CLDN1: variants seen among roughly 807,000 people sequenced by gnomAD.
The protein encoded by CLDN1 is claudin 1.
CLDN1 carries 12 observed loss-of-function variants against 22.6 expected under a neutral mutation model. The ratio of observed to expected loss-of-function variants is 0.53; its 90% CI spans 0.34 to 0.86. The LOEUF is 0.86. Among genes scored for constraint, CLDN1 ranks in the 40% least tolerant of loss-of-function variants. The probability of loss-of-function intolerance (pLI) is 0.02; values close to 1 mark genes in which losing one functional copy is unlikely to be tolerated. For missense variants in CLDN1, 250 were observed against 269.5 expected, an observed-to-expected ratio of 0.93 and a Z score of 0.51; for synonymous variants, 99 against 103.8, an observed-to-expected ratio of 0.95 and a Z score of 0.28.
At chr3:190,321,476 A>G (rs1716919171) in intron 1 of CLDN1, among the ~76,000 whole-genome samples, 1 of 152,250 alleles carries the variant, frequency 6.6e-6, no homozygotes, top group South Asian at 2.1e-4. Context: ...GGACATTTCC[A>G]GTAGGAATGT....
At chr3:190,316,415 A>G (rs1005111909) in intron 1 of CLDN1, among the ~76,000 whole-genome samples, 1 of 152,254 alleles carries the variant, frequency 6.6e-6, no homozygotes, top group African/African-American at 2.4e-5. Flanking sequence ...CAAAAATAAT[A>G]TACACATGTA....
chr3:190,309,747 T>C (rs753437026), intron 3 of CLDN1, among the ~76,000 whole-genome samples: 4 of 152,232 alleles, frequency 2.6e-5, no homozygotes, highest in Non-Finnish European at 5.9e-5. Context: ...GAATGAAGTA[T>C]TATTCATTAA....
At chr3:190,314,675 A>G (rs1367876656) in intron 1 of CLDN1, among the ~76,000 whole-genome samples, 1 of 151,994 alleles carries the variant, frequency 6.6e-6, no homozygotes, top group Non-Finnish European at 1.5e-5. Context: ...AAGTTCTGGG[A>G]TTACAGACGT....
intron 2 of CLDN1, among the ~76,000 whole-genome samples, chr3:190,311,518 CT>C (rs962589641): frequency 1.5e-4 from 23 of 152,024 alleles, no homozygotes; most frequent in African/African-American, 4.3e-4. Context: ...CCCTACAAGT[CT>C]TCTGTCAAAA....
rs530958294 is a variant in CLDN1 at position 190,321,038 on chromosome 3, T to A, written c.223+946A>T. On this transcript the variant is annotated intron_variant, in intron 1 of 3. Coordinates refer to ENST00000295522, the MANE Select transcript of CLDN1 (RefSeq NM_021101.5). ...GAAATATGTCTCTCTATACAATCCT[T>A]TCCAGTTTTACAGGGGGTCACTGAA... Among the ~76,000 whole-genome samples, 7 of 152,274 alleles carry A rather than the reference T, an allele frequency of 4.6e-5. No individual in the cohort carries two copies. The East Asian group carries it at 1.2e-3, about 25-fold the overall frequency.
At chr3:190,314,778 T>C (rs1247665042) in intron 1 of CLDN1, among the ~76,000 whole-genome samples, 1 of 152,118 alleles carries the variant, frequency 6.6e-6, no homozygotes, top group African/African-American at 2.4e-5. Context: ...AAGGTTAAGT[T>C]TTACTTGATT....
At position 190,308,291 on chromosome 3, in the gene CLDN1, T is replaced by C; in HGVS notation, c.622A>G (p.Lys208Glu). ...TTGCCTCTGTGTCACACGTAGTCTT[T>C]CCCGCTGGAAGGTGCAGGTTTTGGA... ...PYPKPAPSSG[K>E]DYV Residue 208 changes from lysine (K) to glutamate (E), a missense_variant, in exon 4 of 4, where the codon AAA (lysine) becomes GAA (glutamate). Transcript: ENST00000295522. 1 of 1,613,854 alleles carries C rather than the reference T, an allele frequency of 6.2e-7. No individual in the cohort carries two copies. The highest frequency in any genetic ancestry group is 1.3e-5 in the African/African-American group (1 of 75,000).
At chr3:190,313,889 C>G (rs1716693910) in intron 1 of CLDN1, among the ~76,000 whole-genome samples, 1 of 152,116 alleles carries the variant, frequency 6.6e-6, no homozygotes, top group African/African-American at 2.4e-5. Flanking sequence ...AGAGTAAAAA[C>G]TTGATGCCAT....
At chr3:190,312,158 C>T (rs9830635) in intron 2 of CLDN1, among the ~76,000 whole-genome samples, 8,898 of 151,828 alleles carry the variant, frequency 0.059, 331 homozygotes, top group Middle Eastern at 0.092. Context: ...CTTGAACTCA[C>T]GACCTCAGGT....
At chr3:190,312,823 A>G (rs1441894585) in intron 2 of CLDN1, 49 bp downstream of exon 2, 1 of 1,600,056 alleles carries the variant, frequency 6.2e-7, no homozygotes, top group Non-Finnish European at 8.6e-7. Flanking sequence ...ATTTCAAATC[A>G]TACCAGGAAC....
At chr3:190,313,223 G>A (rs953032510) in intron 1 of CLDN1, 187 bp from the exon 2 acceptor site, 1 of 604,810 alleles carries the variant, frequency 1.7e-6, no homozygotes, top group Admixed American at 3.0e-5. Flanking sequence ...AAAAACAAAT[G>A]CCAGGCTGGA....
rs1020923618 is a variant in CLDN1, at chr3:190,307,162, A to G, written c.*1115T>C. 6.6e-6 allele frequency: 1 copy of G among 152,664 alleles called. No homozygotes were observed. The highest frequency in any genetic ancestry group is 1.5e-5 in the Non-Finnish European group (1 of 68,042). 9.5% of individuals were successfully genotyped at this position (152,664 alleles called of 1,614,324 possible). ...GCAGATAGAAAAAAGAGGTAGAAAG[A>G]TTAAGTGACTTGCTTACAGCTACAG... On this transcript the variant is annotated 3_prime_UTR_variant, in exon 4 of 4. Transcript: ENST00000295522.
chr3:190,314,429 C>T (rs577813836), intron 1 of CLDN1, among the ~76,000 whole-genome samples: 120 of 152,270 alleles, frequency 7.9e-4, no homozygotes, highest in South Asian at 1.2e-3. Flanking sequence ...GAGTCTTGCT[C>T]TGTTGCCCAG....
At chr3:190,308,892 A>G (rs1431264054) in intron 3 of CLDN1, among the ~76,000 whole-genome samples, 1 of 152,198 alleles carries the variant, frequency 6.6e-6, no homozygotes, top group Non-Finnish European at 1.5e-5. Context: ...AGGCACCTAT[A>G]CAATCTGAAA....
intron 2 of CLDN1, among the ~76,000 whole-genome samples, chr3:190,312,193 A>T (rs9868163): frequency 0.046 from 6,990 of 152,010 alleles, 534 homozygotes; most frequent in African/African-American, 0.16. Flanking sequence ...AGCCTCCAAA[A>T]GTGCTGGGAT....
At chr3:190,310,855 C>T (rs571303141) in intron 2 of CLDN1, among the ~76,000 whole-genome samples, 2 of 152,270 alleles carry the variant, frequency 1.3e-5, no homozygotes, top group Admixed American at 1.3e-4. Context: ...TCAATTTATG[C>T]AACCCAATCT....
intron 1 of CLDN1, among the ~76,000 whole-genome samples, chr3:190,316,262 T>C (rs1716764546): frequency 6.6e-6 from 1 of 152,254 alleles, no homozygotes; most frequent in Non-Finnish European, 1.5e-5. Flanking sequence ...AAGTAATATT[T>C]TCACTTACAT....
chr3:190,315,919 T>C (rs950913317), intron 1 of CLDN1, among the ~76,000 whole-genome samples: 2 of 152,158 alleles, frequency 1.3e-5, no homozygotes, highest in African/African-American at 2.4e-5. Flanking sequence ...CATAAACTAC[T>C]CCAGGGCCCT....
intron 2 of CLDN1, among the ~76,000 whole-genome samples, chr3:190,310,524 A>G (rs886509118): frequency 6.6e-6 from 1 of 152,214 alleles, no homozygotes; most frequent in Non-Finnish European, 1.5e-5. Context: ...ACAATTAGGC[A>G]GGTGTATGTT....
Sources: gnomAD v4.1 joint callset for allele counts (sites outside exome capture counted in the v4.1 genomes callset) on GRCh38, gnomAD v4.1.1 for gene constraint, MANE v1.5 for transcripts, NCBI Gene and HGNC (gene_info 2026-07-23, HGNC 2026-07-21) for gene names.